Variants in RNF150 observed in about 807,000 individuals in gnomAD.
RNF150 encodes the protein ring finger protein 150.
Under a neutral mutation model 39.3 loss-of-function variants are expected in RNF150, and 24 were observed. The observed-to-expected ratio is 0.61, with a 90% CI of 0.44 to 0.86. RNF150 has a LOEUF of 0.86. Among genes scored for constraint, RNF150 ranks in the 40% least tolerant of loss-of-function variants. RNF150 has a pLI of 0.00. For synonymous variants in RNF150, 255 were observed against 227.3 expected (o/e 1.12, Z -1.10); for missense variants, 502 against 587.8 (o/e 0.85, Z 1.51).
At chr4:141,171,408 G>C (rs1038654091) in intron 1 of RNF150, among the ~76,000 whole-genome samples, 1 of 151,942 alleles carries the variant, frequency 6.6e-6, no homozygotes, top group African/African-American at 2.4e-5. Context: ...TTTTCTCTGC[G>C]TGTGTGTGTG....
chr4:141,019,298 A>G (rs1352895665), intron 1 of RNF150, among the ~76,000 whole-genome samples: 3 of 152,004 alleles, frequency 2.0e-5, no homozygotes, highest in Non-Finnish European at 4.4e-5. Flanking sequence ...ATAATCATCA[A>G]GAAAATAACT....
At chr4:141,091,264 A>G (rs1310753699) in intron 1 of RNF150, among the ~76,000 whole-genome samples, 1 of 152,222 alleles carries the variant, frequency 6.6e-6, no homozygotes, top group African/African-American at 2.4e-5. Flanking sequence ...TGAGGATTAA[A>G]TGAGTTAATG....
chr4:140,965,465 C>T (rs556874075), intron 2 of RNF150, among the ~76,000 whole-genome samples: 10 of 152,198 alleles, frequency 6.6e-5, no homozygotes, highest in South Asian at 4.1e-4. Flanking sequence ...ACATTATTCA[C>T]GACAGCGAAG....
chr4:141,197,401 G>T (rs1159661438), intron 1 of RNF150, among the ~76,000 whole-genome samples: 1 of 151,956 alleles, frequency 6.6e-6, no homozygotes, highest in Non-Finnish European at 1.5e-5. Flanking sequence ...AAGATAAATG[G>T]CACTTAATGT....
chr4:141,054,605 A>C (rs1185790735), intron 1 of RNF150, among the ~76,000 whole-genome samples: 1 of 152,112 alleles, frequency 6.6e-6, no homozygotes, highest in Non-Finnish European at 1.5e-5. Context: ...TTTTAATTAG[A>C]GTAAAACTGA....
chr4:140,999,794 G>T (rs1400974417), intron 1 of RNF150, among the ~76,000 whole-genome samples: 1 of 151,538 alleles, frequency 6.6e-6, no homozygotes, highest in African/African-American at 2.4e-5. Flanking sequence ...AATTAGCCAG[G>T]TGTGGTGGCA....
rs532078695 is a variant in RNF150 at position 141,084,673 on chromosome 4, C to A, written c.484+47652G>T. 4.7e-4 allele frequency among the ~76,000 whole-genome samples: 72 copies of A among 152,278 alleles called. 1 individual carries two copies. Among genetic ancestry groups the A allele is most frequent in the African/African-American group, 1.7e-3 (69 of 41,568 alleles). On this transcript the variant is annotated intron_variant, in intron 1 of 6. Coordinates refer to ENST00000515673, the MANE Select transcript of RNF150 (RefSeq NM_020724.2). ...GAGGTCACATGAACTAGAGTGTATA[C>A]TTAGGAATAAGCCTGGAGAACAAAG... is the stretch of plus-strand genomic sequence containing the variant.
intron 1 of RNF150, among the ~76,000 whole-genome samples, chr4:141,102,891 G>T (rs1397503968): frequency 2.0e-5 from 3 of 152,188 alleles, no homozygotes; most frequent in Non-Finnish European, 4.4e-5. Context: ...TCTTCACTAG[G>T]TATTACTAAA....
At chr4:141,191,905 C>G (rs978128928) in intron 1 of RNF150, among the ~76,000 whole-genome samples, 1 of 72,964 alleles carries the variant, frequency 1.4e-5, no homozygotes, top group African/African-American at 4.3e-5. Context: ...GTGGCCTCAT[C>G]ATTTTTCCTG....
chr4:141,167,059 C>T (rs1440729150), intron 1 of RNF150, among the ~76,000 whole-genome samples: 1 of 151,996 alleles, frequency 6.6e-6, no homozygotes, highest in Non-Finnish European at 1.5e-5. Flanking sequence ...CATCTCAGCC[C>T]CAAATCTCCT....
intron 1 of RNF150, among the ~76,000 whole-genome samples, chr4:141,047,347 G>A (rs1418908823): frequency 2.0e-5 from 3 of 152,124 alleles, no homozygotes; most frequent in African/African-American, 4.8e-5. Flanking sequence ...AATCCTCGCT[G>A]TCAACAGGAT....
At chr4:141,120,819 T>C (rs1285913371) in intron 1 of RNF150, among the ~76,000 whole-genome samples, 2 of 152,058 alleles carry the variant, frequency 1.3e-5, no homozygotes, top group Non-Finnish European at 2.9e-5. Context: ...GTTCCAAGTA[T>C]GATGGGGAAT....
At chr4:141,032,031 C>A (rs973502420) in intron 1 of RNF150, among the ~76,000 whole-genome samples, 1 of 151,560 alleles carries the variant, frequency 6.6e-6, no homozygotes, top group African/African-American at 2.4e-5. Flanking sequence ...TATATATACA[C>A]ACATATATAT....
At chr4:140,894,704 T>G (rs548867037) in intron 6 of RNF150, among the ~76,000 whole-genome samples, 1 of 152,352 alleles carries the variant, frequency 6.6e-6, no homozygotes, top group Non-Finnish European at 1.5e-5. Context: ...GCCACAAACA[T>G]GGCCCATGTC....
At chr4:140,993,175 G>C (rs1734255701) in intron 1 of RNF150, among the ~76,000 whole-genome samples, 1 of 152,122 alleles carries the variant, frequency 6.6e-6, no homozygotes, top group Non-Finnish European at 1.5e-5. Flanking sequence ...GATTTGCTGG[G>C]CTAAAATCAA....
chr4:141,151,003 C>T (rs1727287819), intron 1 of RNF150, among the ~76,000 whole-genome samples: 1 of 152,118 alleles, frequency 6.6e-6, no homozygotes, highest in Non-Finnish European at 1.5e-5. Flanking sequence ...ACAATCATAG[C>T]TCACTGCAGC....
intron 1 of RNF150, among the ~76,000 whole-genome samples, chr4:141,057,976 G>A (rs1737055130): frequency 1.3e-5 from 2 of 152,090 alleles, no homozygotes; most frequent in Admixed American, 6.6e-5. Context: ...TAAGCCTTTA[G>A]CATTAATAGC....
intron 1 of RNF150, among the ~76,000 whole-genome samples, chr4:141,104,859 T>G (rs1440610772): frequency 6.6e-6 from 1 of 152,170 alleles, no homozygotes; most frequent in Non-Finnish European, 1.5e-5. Context: ...TGAATAGAGA[T>G]TTTGGCACTT....
chr4:141,096,190 CTT>C lies in RNF150; in HGVS notation c.484+36133_484+36134del, dbSNP rs780868429. ...AATACCAAGGAGAGTTTTTAGCTTT[CTT>C]TTTTTTTTTTTTTTTTTTTTTTTAG... On this transcript the variant is annotated intron_variant, in intron 1 of 6. Transcript: ENST00000515673. Among the ~76,000 whole-genome samples, 156 of 67,966 alleles carry C rather than the reference CTT, an allele frequency of 2.3e-3. 1 individual carries two copies. Among genetic ancestry groups the C allele is most frequent in the Middle Eastern group, 0.013 (1 of 76 alleles). The allele number at this position is 67,966 out of a possible 152,430, so 44.6% of individuals were successfully genotyped here.
Sources: gnomAD v4.1 joint callset for allele counts (sites outside exome capture counted in the v4.1 genomes callset) on GRCh38, gnomAD v4.1.1 for gene constraint, MANE v1.5 for transcripts, NCBI Gene and HGNC (gene_info 2026-07-23, HGNC 2026-07-21) for gene names.